The following KDM5B variants were observed in gnomAD, a reference collection of about 807,000 sequenced individuals.
KDM5B encodes the protein lysine-specific demethylase 5B.
Under a neutral mutation model 193.4 loss-of-function variants are expected in KDM5B, and 144 were observed. The ratio of observed to expected loss-of-function variants is 0.74; its 90% CI spans 0.65 to 0.86. The LOEUF (loss-of-function observed/expected upper bound fraction) is 0.86, where lower values mean the gene tolerates loss of function less well. KDM5B is among the 40% of genes least tolerant of loss of function. The pLI, the probability that KDM5B is intolerant of heterozygous loss-of-function variation, is 0.00. For missense variants in KDM5B, 1,833 were observed against 1,886.9 expected (o/e 0.97, Z 0.53); for synonymous variants, 668 against 682.6 (o/e 0.98, Z 0.33).
chr1:202,798,162 C>T (rs530796694), intron 1 of KDM5B, among the ~76,000 whole-genome samples: 1 of 152,282 alleles, frequency 6.6e-6, no homozygotes, highest in Admixed American at 6.5e-5. Context: ...TCACATCATG[C>T]TGCACTCCAG....
chr1:202,773,752 T>C (rs1439249533), intron 3 of KDM5B, among the ~76,000 whole-genome samples: 4 of 126,096 alleles, frequency 3.2e-5, no homozygotes, highest in Non-Finnish European at 6.9e-5. Context: ...TTTTTTTTTT[T>C]CTGAGATGGA....
chr1:202,759,394 A>T (rs1189266704), intron 8 of KDM5B, among the ~76,000 whole-genome samples: 1 of 151,978 alleles, frequency 6.6e-6, no homozygotes, highest in African/African-American at 2.4e-5. Context: ...TACAAAAATT[A>T]GCTGGGCATG....
At position 202,760,492 on chromosome 1, in the gene KDM5B, A is replaced by T; in HGVS notation, c.1000T>A (p.Tyr334Asn). The change falls in exon 8 of 27, where the codon TAC becomes AAC. Residue 334 changes from tyrosine (Y) to asparagine (N), a missense_variant. Tyr to Asn is a moderately radical substitution (Grantham distance 143, BLOSUM62 -2). Transcript: ENST00000367265. ...GGTGGGATCAAGCAAAAGGTATGGT[A>T]ACTGTCATCACAGCCATCACACAAC... is the stretch of plus-strand genomic sequence containing the variant. ...LLLCDGCDDS[Y>N]HTFCLIPPLH... 6.2e-7 allele frequency: 1 copy of T among 1,613,504 alleles called. No individual in the cohort carries two copies. The highest frequency in any genetic ancestry group is 8.5e-7 in the Non-Finnish European group (1 of 1,179,560).
At chr1:202,733,270 C>T (rs1654959264) in intron 23 of KDM5B, 131 bp downstream of exon 23, 2 of 926,058 alleles carry the variant, frequency 2.2e-6, no homozygotes, top group South Asian at 1.7e-5. Context: ...TGGGAAGCTA[C>T]AGGTAAAGTG....
chr1:202,794,338 G>C (rs1002836822), intron 1 of KDM5B, among the ~76,000 whole-genome samples: 2 of 152,238 alleles, frequency 1.3e-5, no homozygotes, highest in African/African-American at 4.8e-5. Flanking sequence ...TATGTGATTA[G>C]AGTAGTATTA....
rs61270918 is a variant in KDM5B, at chr1:202,724,746, TTGTGTGTGTG to T, written c.*4280_*4289del. ...ACACAGAAGGGGCTTGTGTGTGTGT[TTGTGTGTGTG>T]TGTGTGTTCACAGCAGAATCACAGT... On this transcript the variant is annotated 3_prime_UTR_variant, in exon 27 of 27. Transcript: ENST00000367265. 4 of 150,546 alleles carry T rather than the reference TTGTGTGTGTG, an allele frequency of 2.7e-5. No homozygotes were observed. The highest frequency in any genetic ancestry group is 4.4e-5 in the Non-Finnish European group (3 of 67,450). 9.3% of individuals were successfully genotyped at this position (150,546 alleles called of 1,614,324 possible). A position where few individuals can be genotyped will look rare whatever the true frequency, so the allele number is the denominator to read the frequency against.
intron 11 of KDM5B, among the ~76,000 whole-genome samples, chr1:202,755,001 T>C (rs1316618496): frequency 6.6e-6 from 1 of 152,152 alleles, no homozygotes; most frequent in African/African-American, 2.4e-5. Context: ...AAGACTTCCT[T>C]ACTTCAGATA....
chr1:202,803,726 G>A (rs1658172166), intron 1 of KDM5B, among the ~76,000 whole-genome samples: 2 of 152,038 alleles, frequency 1.3e-5, no homozygotes, highest in South Asian at 2.1e-4. Context: ...GGCTGAGGCA[G>A]GAGAATCGCT....
intron 16 of KDM5B, among the ~76,000 whole-genome samples, chr1:202,743,682 TAAAA>T (rs969577679): frequency 1.3e-5 from 2 of 151,768 alleles, no homozygotes; most frequent in Non-Finnish European, 2.9e-5. Context: ...AACCCAGAAA[TAAAA>T]AGGCACACCT....
intron 5 of KDM5B, among the ~76,000 whole-genome samples, chr1:202,766,689 G>A (rs1336634627): frequency 6.6e-6 from 1 of 152,176 alleles, no homozygotes; most frequent in African/African-American, 2.4e-5. Context: ...GCCTTGACTG[G>A]TAATAAGCGG....
intron 4 of KDM5B, 51 bp from the exon 5 acceptor site, chr1:202,767,111 A>G (rs200524952): frequency 6.7e-5 from 108 of 1,600,826 alleles, no homozygotes; most frequent in Middle Eastern, 3.4e-4. Flanking sequence ...TTTTCACATC[A>G]TAAGTTTATT....
At chr1:202,762,199 T>C (rs1023145139) in intron 7 of KDM5B, among the ~76,000 whole-genome samples, 8 of 152,188 alleles carry the variant, frequency 5.3e-5, no homozygotes, top group African/African-American at 1.4e-4. Flanking sequence ...CTTTGTTCCT[T>C]TTCCTTTTCT....
chr1:202,800,962 C>G (rs1334939065), intron 1 of KDM5B, among the ~76,000 whole-genome samples: 1 of 152,150 alleles, frequency 6.6e-6, no homozygotes, highest in African/African-American at 2.4e-5. Context: ...GCAAAATGAC[C>G]ATCACTGACT....
rs1654737969 is a variant in KDM5B at position 202,728,081 on chromosome 1, CA to C, written c.*954del. The C allele has an allele frequency of 6.6e-6, 1 of 152,312 alleles. No homozygotes were observed. Among genetic ancestry groups the C allele is most frequent in the Non-Finnish European group, 1.5e-5 (1 of 68,064 alleles). 9.4% of individuals were successfully genotyped at this position (152,312 alleles called of 1,614,324 possible). A position where few individuals can be genotyped will look rare whatever the true frequency, so the allele number is the denominator to read the frequency against. On this transcript the variant is annotated 3_prime_UTR_variant, in exon 27 of 27. Transcript: ENST00000367265. ...CTAATGTTGTTTGCAGGCTAACATC[CA>C]CTGCTACTGCAACCTGGTTGGGCAG...
intron 22 of KDM5B, among the ~76,000 whole-genome samples, chr1:202,734,597 A>T (rs1001031870): frequency 1.3e-5 from 2 of 152,214 alleles, no homozygotes; most frequent in African/African-American, 4.8e-5. Flanking sequence ...ACATATATAC[A>T]CCTCAGGAGA....
At chr1:202,802,125 T>C (rs1024099901) in intron 1 of KDM5B, among the ~76,000 whole-genome samples, 3 of 152,184 alleles carry the variant, frequency 2.0e-5, no homozygotes, top group Admixed American at 6.6e-5. Context: ...CCTAGGTTAG[T>C]AGTTTTTCAA....
At position 202,733,610 on chromosome 1, in the gene KDM5B, G is replaced by A; in HGVS notation, c.3700C>T (p.Pro1234Ser). ...SEKPPLEKIL[P>S]LLASLQRIRV... is the part of the protein sequence containing the mutation. Reference sequence around the variant, plus strand: ...ATACGCTGAAGGGAGGCGAGCAGGGGCAGAATTTTCTCTAATGGAGGTTTC... The same window carrying A: ...ATACGCTGAAGGGAGGCGAGCAGGGACAGAATTTTCTCTAATGGAGGTTTC... Residue 1234 changes from proline to serine, a missense_variant, in exon 23 of 27, where the codon CCC becomes TCC. By Grantham distance (74) the Pro-to-Ser change is moderately conservative (BLOSUM62 -1). This residue lies in a region of KDM5B where 1,379 missense variants were observed against 1,349.6 expected (regional missense o/e 1.02). Coordinates refer to ENST00000367265, the MANE Select transcript of KDM5B (RefSeq NM_006618.5). 6.2e-7 allele frequency: 1 copy of A among 1,614,154 alleles called. No individual in the cohort carries two copies. Among genetic ancestry groups the A allele is most frequent in the Non-Finnish European group, 8.5e-7 (1 of 1,180,026 alleles).
chr1:202,788,974 G>A (rs901166139), intron 1 of KDM5B, among the ~76,000 whole-genome samples: 7 of 152,090 alleles, frequency 4.6e-5, no homozygotes, highest in Non-Finnish European at 1.0e-4. Flanking sequence ...GTTGGACTCT[G>A]ACCCCAACCT....
At chr1:202,763,404 A>C (rs1216741399) in intron 6 of KDM5B, among the ~76,000 whole-genome samples, 1 of 152,198 alleles carries the variant, frequency 6.6e-6, no homozygotes, top group Non-Finnish European at 1.5e-5. Context: ...AAACATCTCT[A>C]AGGTTACATA....
Sources: gnomAD v4.1 joint callset for allele counts (sites outside exome capture counted in the v4.1 genomes callset) on GRCh38, gnomAD v4.1.1 for gene constraint, gnomAD v4.1.1 regional missense constraint, MANE v1.5 for transcripts, NCBI Gene and HGNC (gene_info 2026-07-23, HGNC 2026-07-21) for gene names.